ROBO2: variants seen among roughly 807,000 people sequenced by gnomAD.
ROBO2 encodes roundabout guidance receptor 2, also known as roundabout homolog 2.
Under a neutral mutation model 160.8 loss-of-function variants are expected in ROBO2, and 53 were observed. The observed-to-expected ratio is 0.33, with a 90% CI of 0.26 to 0.41. The LOEUF is 0.41. Ranked by LOEUF, ROBO2 falls within the 10% of genes least tolerant of loss-of-function variation. ROBO2 has a pLI of 1.00. For synonymous variants in ROBO2, 664 were observed against 611.7 expected, an observed-to-expected ratio of 1.09 and a Z score of -1.26; for missense variants, 1,577 against 1,722.4, an observed-to-expected ratio of 0.92 and a Z score of 1.49.
At chr3:77,224,451 A>G (rs4684030) in intron 2 of ROBO2, among the ~76,000 whole-genome samples, 72,929 of 151,750 alleles carry the variant, frequency 0.48, 17,749 homozygotes, top group Middle Eastern at 0.64. Context: ...AATCCTTATC[A>G]GCCTTAGAAA....
intron 2 of ROBO2, among the ~76,000 whole-genome samples, chr3:77,459,824 T>C (rs897449252): frequency 6.6e-6 from 1 of 150,814 alleles, no homozygotes; most frequent in South Asian, 2.1e-4. Context: ...AAGGCCAGCA[T>C]GGTTGGGAAG....
chr3:76,611,288 T>A (rs1199663286), intron 2 of ROBO2, among the ~76,000 whole-genome samples: 2 of 152,162 alleles, frequency 1.3e-5, no homozygotes, highest in African/African-American at 4.8e-5. Flanking sequence ...TTTGTCTGTC[T>A]CCTGTCGCTA....
chr3:76,689,519 C>T (rs997724525), intron 2 of ROBO2, among the ~76,000 whole-genome samples: 2 of 152,024 alleles, frequency 1.3e-5, no homozygotes, highest in African/African-American at 2.4e-5. Flanking sequence ...TTGAAATATA[C>T]AATAAATTAT....
chr3:77,214,741 T>G (rs2084688006), intron 2 of ROBO2, among the ~76,000 whole-genome samples: 1 of 152,358 alleles, frequency 6.6e-6, no homozygotes, highest in African/African-American at 2.4e-5. Context: ...CCATGTTTAG[T>G]GCTTCCTTCA....
chr3:76,680,403 A>G (rs989573801), intron 2 of ROBO2, among the ~76,000 whole-genome samples: 1 of 149,788 alleles, frequency 6.7e-6, no homozygotes, highest in Non-Finnish European at 1.5e-5. Context: ...TTAATATGTT[A>G]CCTCTTTCCT....
chr3:76,546,842 G>A (rs530883789), intron 2 of ROBO2, among the ~76,000 whole-genome samples: 5 of 151,488 alleles, frequency 3.3e-5, no homozygotes, highest in African/African-American at 1.2e-4. Context: ...ACTTCACATT[G>A]CTGTCTTGAT....
chr3:77,537,029 G>A lies in ROBO2; in HGVS notation c.935-9309G>A, dbSNP rs1341521622. On this transcript the variant is annotated intron_variant, in intron 6 of 25. Coordinates refer to ENST00000461745, the Ensembl canonical transcript of ROBO2. ...TTACATTGTGGCATTTCAGGCAGGA[G>A]CACATTATGTGTGACTCTAAGTGAA... is the stretch of plus-strand genomic sequence containing the variant. Among the ~76,000 whole-genome samples, 3 of 146,032 alleles carry A rather than the reference G, an allele frequency of 2.1e-5. No homozygotes were observed. The South Asian group carries it at 6.7e-4, about 33-fold the overall frequency.
chr3:76,826,956 CTGTT>C (rs1210823420), intron 2 of ROBO2, among the ~76,000 whole-genome samples: 15 of 152,298 alleles, frequency 9.8e-5, no homozygotes, highest in African/African-American at 3.4e-4. Context: ...AATTCAAACA[CTGTT>C]TGTTTAAATA....
rs555626391 is a variant in ROBO2 at position 76,744,589 on chromosome 3, T to C, written c.110-353425T>C. 2.1e-3 allele frequency among the ~76,000 whole-genome samples: 312 copies of C among 152,170 alleles called. 2 individuals are homozygous for C. The highest frequency in any genetic ancestry group is 3.1e-3 in the Non-Finnish European group (212 of 67,992). On this transcript the variant is annotated intron_variant, in intron 2 of 26. Transcript: ENST00000487694. ...GTTGCCCAGGCTGGTCTCAAATTTCTGTCTTCAAGCAATCCTTCCACTTCA... is the reference window on the plus strand; with the variant it reads ...GTTGCCCAGGCTGGTCTCAAATTTCCGTCTTCAAGCAATCCTTCCACTTCA...
intron 2 of ROBO2, among the ~76,000 whole-genome samples, chr3:75,991,281 TC>T (rs576458256): frequency 6.8e-4 from 103 of 152,238 alleles, no homozygotes; most frequent in South Asian, 3.3e-3. Context: ...TTTGGGTGTG[TC>T]CCCACCCAAA....
At chr3:77,140,726 AG>A (rs2076635356) in intron 2 of ROBO2, among the ~76,000 whole-genome samples, 1 of 152,182 alleles carries the variant, frequency 6.6e-6, no homozygotes, top group Non-Finnish European at 1.5e-5. Flanking sequence ...AATTTAGCCC[AG>A]GGTCCCAATT....
intron 2 of ROBO2, among the ~76,000 whole-genome samples, chr3:76,193,536 G>A (rs781351506): frequency 1.3e-5 from 2 of 152,184 alleles, no homozygotes; most frequent in African/African-American, 4.8e-5. Context: ...CACAATTATA[G>A]ATGATGATTA....
intron 2 of ROBO2, among the ~76,000 whole-genome samples, chr3:76,736,100 G>A (rs999574578): frequency 2.5e-4 from 38 of 151,312 alleles, no homozygotes; most frequent in Non-Finnish European, 4.6e-4. Flanking sequence ...TGGCTAACAC[G>A]GTGAAACCCC....
At chr3:75,991,074 T>C (rs2065554049) in intron 2 of ROBO2, among the ~76,000 whole-genome samples, 1 of 152,244 alleles carries the variant, frequency 6.6e-6, no homozygotes, top group Admixed American at 6.5e-5. Context: ...CCTGCTTTCC[T>C]GGTTCCTAGC....
intron 2 of ROBO2, among the ~76,000 whole-genome samples, chr3:76,982,900 ATAAT>A (rs1321146443): frequency 6.6e-6 from 1 of 152,216 alleles, no homozygotes; most frequent in Admixed American, 6.5e-5. Flanking sequence ...ATGTGAATTA[ATAAT>A]TCATACATGA....
chr3:76,162,271 C>G (rs1177784951), intron 2 of ROBO2, among the ~76,000 whole-genome samples: 1 of 152,110 alleles, frequency 6.6e-6, no homozygotes, highest in Non-Finnish European at 1.5e-5. Flanking sequence ...TTTGATTTGA[C>G]TAGCCTCTTT....
At chr3:76,332,265 T>C (rs1361449783) in intron 2 of ROBO2, among the ~76,000 whole-genome samples, 3 of 152,160 alleles carry the variant, frequency 2.0e-5, no homozygotes, top group Admixed American at 6.5e-5. Context: ...GTGAATAATA[T>C]TGTATAACAC....
At chr3:77,277,799 T>G (rs1363471847) in intron 2 of ROBO2, among the ~76,000 whole-genome samples, 1 of 152,212 alleles carries the variant, frequency 6.6e-6, no homozygotes, top group Non-Finnish European at 1.5e-5. Context: ...ATGATTTATA[T>G]TCCTTTGGGT....
At chr3:77,589,107 T>C (rs1484983006) in intron 17 of ROBO2, among the ~76,000 whole-genome samples, 174 bp downstream of exon 18, 3 of 152,128 alleles carry the variant, frequency 2.0e-5, no homozygotes, top group African/African-American at 7.2e-5. Flanking sequence ...CCTATCGCTT[T>C]ATAACCATAA....
Sources: allele counts gnomAD v4.1 joint callset (sites outside exome capture counted in the v4.1 genomes callset), GRCh38; gene constraint gnomAD v4.1.1; transcripts MANE v1.5; gene names NCBI Gene and HGNC (gene_info 2026-07-23, HGNC 2026-07-21).